Variants in LRRC28 observed in about 807,000 individuals in gnomAD.
The protein encoded by LRRC28 is leucine rich repeat containing 28.
Under a neutral mutation model 45.7 loss-of-function variants are expected in LRRC28, and 39 were observed. The ratio of observed to expected loss-of-function variants is 0.85; its 90% CI spans 0.66 to 1.12. LRRC28 has a LOEUF of 1.12. LRRC28 is among the 50% of genes most tolerant of loss of function. The pLI is 0.00. For synonymous variants in LRRC28, 206 were observed against 178.8 expected, an observed-to-expected ratio of 1.15 and a Z score of -1.22; for missense variants, 435 against 438.5, an observed-to-expected ratio of 0.99 and a Z score of 0.07.
intron 9 of LRRC28, among the ~76,000 whole-genome samples, chr15:99,366,864 C>T (rs996770923): frequency 5.3e-5 from 8 of 150,006 alleles, no homozygotes; most frequent in African/African-American, 7.4e-5. Context: ...TAACAGTCTG[C>T]GTTCTGGCCC....
At chr15:99,264,453 G>C (rs1440626337) in intron 2 of LRRC28, among the ~76,000 whole-genome samples, 2 of 152,182 alleles carry the variant, frequency 1.3e-5, no homozygotes, top group Non-Finnish European at 2.9e-5. Flanking sequence ...TGTTTGAAGA[G>C]GAACCTAGCT....
intron 9 of LRRC28, 85 bp downstream of exon 9, chr15:99,363,350 T>G (rs576710090): frequency 6.8e-7 from 1 of 1,462,126 alleles, no homozygotes; most frequent in South Asian, 1.3e-5. Context: ...ATGAAAGCAT[T>G]AAGTCAGCAG....
chr15:99,253,202 G>A (rs1418889866), intron 1 of LRRC28, among the ~76,000 whole-genome samples: 1 of 151,722 alleles, frequency 6.6e-6, no homozygotes, highest in African/African-American at 2.4e-5. Context: ...TTTACTGCAA[G>A]CTCCGCCTCC....
rs1472990 is a variant in LRRC28 at position 99,371,555 on chromosome 15, C to T, written c.1031+8290C>T. On this transcript the variant is annotated intron_variant, in intron 9 of 9. Transcript: ENST00000301981. ...ATATAATTCTTATCTGGTTTCCTCA[C>T]TTATGAAATGTTTCATATTTCCTTA... Among the ~76,000 whole-genome samples, 427 of 152,308 alleles carry T rather than the reference C, an allele frequency of 2.8e-3. 1 individual carries two copies. Among genetic ancestry groups the T allele is most frequent in the Non-Finnish European group, 5.2e-3 (353 of 68,016 alleles).
intron 6 of LRRC28, among the ~76,000 whole-genome samples, chr15:99,349,200 A>AT (rs1335155810): frequency 2.0e-5 from 3 of 151,640 alleles, no homozygotes; most frequent in Non-Finnish European, 4.4e-5. Context: ...CATCTCTTTT[A>AT]TTTTTTACAT....
At chr15:99,363,901 A>G (rs894917762) in intron 9 of LRRC28, among the ~76,000 whole-genome samples, 2 of 152,224 alleles carry the variant, frequency 1.3e-5, no homozygotes, top group African/African-American at 4.8e-5. Context: ...GGCTTCCTAA[A>G]TTTAGGAAAC....
Position 99,361,509 on chromosome 15 carries a change from A to G in LRRC28, c.869A>G (p.Lys290Arg). 2 of 1,596,470 alleles carry G rather than the reference A, an allele frequency of 1.3e-6. No individual in the cohort carries two copies. The highest frequency in any genetic ancestry group is 1.7e-6 in the Non-Finnish European group (2 of 1,172,816). ...GLYHTYHSLL[K>R]DLNFLSPISL... The stretch of plus-strand genomic sequence containing the variant: ...TATCATACCTACCACAGCTTGCTGA[A>G]AGGTACGTGGGACTTCTGGTTTTCT... The change falls in exon 8 of 10, where the codon AAA becomes AGA. Residue 290 changes from lysine to arginine, a missense_variant and splice_region_variant. Lys to Arg is a conservative substitution (Grantham distance 26). Coordinates refer to ENST00000301981, the MANE Select transcript of LRRC28 (RefSeq NM_144598.5).
At chr15:99,322,829 T>C (rs1955845941) in intron 5 of LRRC28, among the ~76,000 whole-genome samples, 2 of 152,152 alleles carry the variant, frequency 1.3e-5, no homozygotes, top group East Asian at 3.9e-4. Flanking sequence ...TAAAAGGTCA[T>C]GTCCTGGGGC....
chr15:99,350,280 G>A (rs1275986626), intron 6 of LRRC28, among the ~76,000 whole-genome samples: 2 of 152,192 alleles, frequency 1.3e-5, no homozygotes, highest in Non-Finnish European at 2.9e-5. Flanking sequence ...GTAGCTGGTA[G>A]GGGTGTAAAT....
At chr15:99,322,468 T>C (rs182351553) in intron 5 of LRRC28, among the ~76,000 whole-genome samples, 2 of 152,178 alleles carry the variant, frequency 1.3e-5, no homozygotes, top group East Asian at 1.9e-4. Context: ...TGTGGACTCT[T>C]ATGGGGCCCT....
chr15:99,273,996 T>C (rs1035453672), intron 2 of LRRC28, among the ~76,000 whole-genome samples: 5 of 152,198 alleles, frequency 3.3e-5, no homozygotes, highest in African/African-American at 1.2e-4. Flanking sequence ...TCAAGGGAGA[T>C]ACTGATAATA....
At chr15:99,336,398 C>T (rs920017524) in intron 6 of LRRC28, among the ~76,000 whole-genome samples, 1 of 152,194 alleles carries the variant, frequency 6.6e-6, no homozygotes, top group Non-Finnish European at 1.5e-5. Context: ...GCCACATTGA[C>T]ATGCTGTCTC....
intron 9 of LRRC28, among the ~76,000 whole-genome samples, chr15:99,367,487 A>C (rs1373224306): frequency 1.3e-5 from 2 of 152,070 alleles, no homozygotes; most frequent in Non-Finnish European, 2.9e-5. Flanking sequence ...ACCCCCTCCC[A>C]CGATAACTAA....
At chr15:99,384,686 A>G (rs1957930057) in intron 9 of LRRC28, 1 of 152,154 alleles carries the variant, frequency 6.6e-6, no homozygotes, top group South Asian at 2.1e-4. Context: ...TTGCTTTCCC[A>G]ATGCCTTTCC....
At chr15:99,319,098 C>A (rs574718914) in intron 5 of LRRC28, among the ~76,000 whole-genome samples, 1 of 152,184 alleles carries the variant, frequency 6.6e-6, no homozygotes, top group East Asian at 1.9e-4. Flanking sequence ...TTATTCTGTG[C>A]AAAGTAGTAA....
At chr15:99,277,805 C>T (rs2152179456) in intron 3 of LRRC28, among the ~76,000 whole-genome samples, 1 of 152,170 alleles carries the variant, frequency 6.6e-6, no homozygotes, top group South Asian at 2.1e-4. Flanking sequence ...GTATGTATTT[C>T]TAGGAACAAA....
In LRRC28 at chr15:99,388,610, C is replaced by A. The variant is rs74033479; in HGVS notation, c.*2508C>A. ...TAATCTTTTGATACTATAAAGGAGT[C>A]TTACCAACTGGAGAAAATTTGCCTA... On this transcript the variant is annotated 3_prime_UTR_variant, in exon 10 of 10. Coordinates refer to ENST00000301981, the MANE Select transcript of LRRC28 (RefSeq NM_144598.5). 8.5e-4 allele frequency: 130 copies of A among 152,260 alleles called. No individual in the cohort carries two copies. The highest frequency in any genetic ancestry group is 2.8e-3 in the African/African-American group (116 of 41,508). The allele number at this position is 152,260 out of a possible 1,614,324, so 9.4% of individuals were successfully genotyped here.
chr15:99,354,696 G>C (rs567565734), intron 7 of LRRC28, among the ~76,000 whole-genome samples: 1 of 152,322 alleles, frequency 6.6e-6, no homozygotes, highest in Admixed American at 6.5e-5. Flanking sequence ...TCTAGCCAGG[G>C]AGTCAAGCAA....
At chr15:99,334,762 A>G (rs118078022) in intron 6 of LRRC28, among the ~76,000 whole-genome samples, 1 of 152,288 alleles carries the variant, frequency 6.6e-6, no homozygotes, top group East Asian at 1.9e-4. Flanking sequence ...GTTAACTTGT[A>G]AGAAACAAAA....
Sources: allele counts gnomAD v4.1 joint callset (sites outside exome capture counted in the v4.1 genomes callset), GRCh38; gene constraint gnomAD v4.1.1; transcripts MANE v1.5; gene names NCBI Gene and HGNC (gene_info 2026-07-23, HGNC 2026-07-21).